Variants in ADAMDEC1 observed in about 807,000 individuals in gnomAD.
The protein encoded by ADAMDEC1 is ADAM like decysin 1, also known as ADAM DEC1.
Under a neutral mutation model 60.4 loss-of-function variants are expected in ADAMDEC1, and 62 were observed. The observed-to-expected ratio is 1.03, with a 90% confidence interval of 0.84 to 1.27. ADAMDEC1 has a LOEUF of 1.27. Among genes scored for constraint, ADAMDEC1 ranks in the 50% most tolerant of loss-of-function variants. The probability of loss-of-function intolerance (pLI) is 0.00; values close to 1 mark genes in which losing one functional copy is unlikely to be tolerated. For missense variants in ADAMDEC1, 595 were observed against 565.0 expected, an observed-to-expected ratio of 1.05 and a Z score of -0.54; for synonymous variants, 210 against 195.1, an observed-to-expected ratio of 1.08 and a Z score of -0.64.
chr8:24,393,437 CAT>C (rs978312992), intron 3 of ADAMDEC1, 99 bp downstream of exon 3: 7 of 761,806 alleles, frequency 9.2e-6, no homozygotes, highest in Non-Finnish European at 1.5e-5. Context: ...ACATAGAAGA[CAT>C]GAGGCATTTT....
chr8:24,388,547 A>G (rs1456729401), intron 1 of ADAMDEC1, among the ~76,000 whole-genome samples: 2 of 151,642 alleles, frequency 1.3e-5, no homozygotes, highest in Non-Finnish European at 2.9e-5. Flanking sequence ...GTGAACTCCT[A>G]CCTCACACTG....
chr8:24,392,256 C>T lies in ADAMDEC1; in HGVS notation c.89-6C>T. 1 of 1,576,798 alleles carries T rather than the reference C, an allele frequency of 6.3e-7. No homozygotes were observed. Among genetic ancestry groups the T allele is most frequent in the Middle Eastern group, 1.7e-4 (1 of 5,830 alleles). On this transcript the variant is annotated splice_polypyrimidine_tract_variant and splice_region_variant and intron_variant, in intron 1 of 13. Transcript: ENST00000256412. The stretch of plus-strand genomic sequence containing the variant: ...TTTTATGTGAATATTATTTCTCTTT[C>T]TCTAGCAATAGCCATAAAGCAAACA...
intron 7 of ADAMDEC1, among the ~76,000 whole-genome samples, chr8:24,398,185 T>C (rs1201154518): frequency 6.6e-6 from 1 of 151,888 alleles, no homozygotes; most frequent in African/African-American, 2.4e-5. Flanking sequence ...TGTTTTGTAA[T>C]CAAATTTTAA....
intron 11 of ADAMDEC1, among the ~76,000 whole-genome samples, chr8:24,400,700 C>T (rs1817742012): frequency 6.6e-6 from 1 of 151,140 alleles, no homozygotes; most frequent in Non-Finnish European, 1.5e-5. Context: ...AGGTTTGTTA[C>T]ATATGTATAC....
chr8:24,400,006 G>C (rs112871142), intron 10 of ADAMDEC1, among the ~76,000 whole-genome samples, 164 bp from the exon 11 acceptor site: 4 of 152,266 alleles, frequency 2.6e-5, no homozygotes, highest in African/African-American at 7.2e-5. Context: ...AGTATTCATA[G>C]GACCCAACCA....
At position 24,402,053 on chromosome 8, in the gene ADAMDEC1, T is replaced by G. The variant is rs1817779529; in HGVS notation, c.1281T>G (p.Leu427=). The G allele has an allele frequency of 6.2e-7, 1 of 1,612,792 alleles. No individual in the cohort carries two copies. Among genetic ancestry groups the G allele is most frequent in the Non-Finnish European group, 8.5e-7 (1 of 1,179,162 alleles). Residue 427 remains leucine, a synonymous_variant, in exon 12 of 14, where the codon CTT becomes CTG. Transcript: ENST00000256412. ...IMTTPVCGNH[L]LEVGEDCDCG... is the part of the protein sequence containing the mutation. ...CAACACCAGTGTGTGGGAACCACCT[T>G]CTAGAAGTGGGAGAAGACTGTGATT...
intron 3 of ADAMDEC1, 90 bp from the exon 4 acceptor site, chr8:24,393,979 A>G (rs1195245729): frequency 2.5e-6 from 2 of 797,054 alleles, no homozygotes; most frequent in Non-Finnish European, 4.2e-6. Context: ...TTATCATTGT[A>G]GACACTATCA....
Position 24,394,049 on chromosome 8 carries a change from C to A in ADAMDEC1, c.285-20C>A, listed in dbSNP as rs1370801396. 3 of 1,574,388 alleles carry A rather than the reference C, an allele frequency of 1.9e-6. No homozygotes were observed. The highest frequency in any genetic ancestry group is 1.1e-5 in the South Asian group (1 of 90,046). On this transcript the variant is annotated intron_variant, in intron 3 of 13. Coordinates refer to ENST00000256412, the MANE Select transcript of ADAMDEC1 (RefSeq NM_014479.3). ...TTCTTACCATCCTGAGTGGTCCATG[C>A]AGCTCTCTGCTCTCTACAGGCACCT...
intron 9 of ADAMDEC1, 26 bp downstream of exon 9, chr8:24,399,066 G>T (rs2291578): frequency 0.14 from 217,373 of 1,600,238 alleles, 17,031 homozygotes; most frequent in East Asian, 0.38. Flanking sequence ...CCAGGTGAAT[G>T]TAGGCAGAAT....
intron 1 of ADAMDEC1, among the ~76,000 whole-genome samples, chr8:24,391,034 C>G (rs1222949458): frequency 6.6e-6 from 1 of 152,112 alleles, no homozygotes; most frequent in Admixed American, 6.5e-5. Flanking sequence ...GACTCATATT[C>G]TCTTTTAATA....
At chr8:24,390,220 T>C (rs1202133465) in intron 1 of ADAMDEC1, 21 of 1,130,258 alleles carry the variant, frequency 1.9e-5, no homozygotes, top group Non-Finnish European at 2.3e-5. Flanking sequence ...TCAGAGAAGG[T>C]AAGTTGCTTA....
At chr8:24,403,265 A>G (rs940748299) in intron 12 of ADAMDEC1, among the ~76,000 whole-genome samples, 1 of 152,154 alleles carries the variant, frequency 6.6e-6, no homozygotes, top group African/African-American at 2.4e-5. Context: ...TTTTCCAAAA[A>G]GTAGTATGTA....
intron 1 of ADAMDEC1, chr8:24,390,168 T>C: frequency 9.5e-7 from 1 of 1,049,494 alleles, no homozygotes; most frequent in Non-Finnish European, 1.3e-6. Flanking sequence ...ATTCAATAAA[T>C]ATTTGTGAAA....
At chr8:24,398,593 A>G in intron 8 of ADAMDEC1, 42 bp downstream of exon 8, 1 of 1,407,128 alleles carries the variant, frequency 7.1e-7, no homozygotes, top group South Asian at 1.2e-5. Flanking sequence ...CTGCATAGGG[A>G]AGTTCTGCCT....
chr8:24,398,506 T>C lies in ADAMDEC1; in HGVS notation c.717T>C (p.Thr239=). ...AFYKNYNENL[T]LIRSFVFDVM... ...ATAAGAACTATAATGAGAATCTAAC[T>C]CTGATAAGAAGCTTTGTGTTTGATG... Residue 239 remains threonine, a synonymous_variant, in exon 8 of 14, where the codon ACT becomes ACC. Coordinates refer to ENST00000256412, the MANE Select transcript of ADAMDEC1 (RefSeq NM_014479.3). 1 of 1,599,262 alleles carries C rather than the reference T, an allele frequency of 6.3e-7. No individual in the cohort carries two copies. Among genetic ancestry groups the C allele is most frequent in the Non-Finnish European group, 8.5e-7 (1 of 1,169,686 alleles).
At chr8:24,386,075 A>G (rs1817283784) in intron 1 of ADAMDEC1, among the ~76,000 whole-genome samples, 1 of 152,174 alleles carries the variant, frequency 6.6e-6, no homozygotes, top group Non-Finnish European at 1.5e-5. Context: ...TGAAAAAGTC[A>G]CTGAAATACT....
chr8:24,393,417 G>A, intron 3 of ADAMDEC1, 79 bp downstream of exon 3: 1 of 1,029,962 alleles, frequency 9.7e-7, no homozygotes, highest in Non-Finnish European at 1.5e-6. Context: ...GCTCCATTTA[G>A]TGTGGTTTGA....
chr8:24,398,543 C>A lies in ADAMDEC1; in HGVS notation c.754C>A (p.Leu252Ile). The A allele has an allele frequency of 6.3e-7, 1 of 1,599,210 alleles. No individual in the cohort carries two copies. The highest frequency in any genetic ancestry group is 8.5e-7 in the Non-Finnish European group (1 of 1,170,084). ...CTTTGTGTTTGATGTGATGAACCTACTCAATGTGGTAAGACATTAGTCATG... is the reference window on the plus strand; with the variant it reads ...CTTTGTGTTTGATGTGATGAACCTAATCAATGTGGTAAGACATTAGTCATG... ...RSFVFDVMNL[L>I]NVIYNTIDVQ... is the part of the protein sequence containing the mutation. The change falls in exon 8 of 14, where the codon CTC becomes ATC. Residue 252 changes from leucine (L) to isoleucine (I), a missense_variant. Coordinates refer to ENST00000256412, the MANE Select transcript of ADAMDEC1 (RefSeq NM_014479.3).
Position 24,398,532 on chromosome 8 carries a change from T to G in ADAMDEC1, c.743T>G (p.Val248Gly), listed in dbSNP as rs1164342091. 6.2e-7 allele frequency: 1 copy of G among 1,602,642 alleles called. No individual in the cohort carries two copies. The change falls in exon 8 of 14, where the codon GTG becomes GGG. Residue 248 changes from valine to glycine, a missense_variant. Val to Gly is a moderately radical substitution (Grantham distance 109, BLOSUM62 -3). Coordinates refer to ENST00000256412, the MANE Select transcript of ADAMDEC1 (RefSeq NM_014479.3). Reference sequence around the variant, plus strand: ...CTGATAAGAAGCTTTGTGTTTGATGTGATGAACCTACTCAATGTGGTAAGA... The same window carrying G: ...CTGATAAGAAGCTTTGTGTTTGATGGGATGAACCTACTCAATGTGGTAAGA... Reference protein sequence around the residue: ...LTLIRSFVFDVMNLLNVIYNT... With the variant: ...LTLIRSFVFDGMNLLNVIYNT...
Sources: allele counts gnomAD v4.1 joint callset (sites outside exome capture counted in the v4.1 genomes callset), GRCh38; gene constraint gnomAD v4.1.1; transcripts MANE v1.5; gene names NCBI Gene and HGNC (gene_info 2026-07-23, HGNC 2026-07-21).